The following SUZ12 variants were observed in gnomAD, a reference collection of about 807,000 sequenced individuals.
The protein encoded by SUZ12 is polycomb protein SUZ12.
A neutral mutation model predicts 87.3 loss-of-function variants in SUZ12; 17 were observed. That is an observed-to-expected ratio of 0.19 (90% CI 0.13 to 0.29). The LOEUF (loss-of-function observed/expected upper bound fraction) is 0.29. Ranked by LOEUF, SUZ12 falls within the 10% of genes least tolerant of loss-of-function variation. The pLI is 1.00. For synonymous variants in SUZ12, 253 were observed against 312.4 expected, an observed-to-expected ratio of 0.81 and a Z score of 2.01; for missense variants, 526 against 912.2, an observed-to-expected ratio of 0.58 and a Z score of 5.45.
chr17:31,993,358 A>C lies in SUZ12; in HGVS notation c.1293+25A>C, dbSNP rs1395705382. ...GGTAAACATAGCTGACCCTTCTTAA[A>C]GTAATTATGAAATGTATTTGTTTTT... On this transcript the variant is annotated intron_variant, in intron 11 of 15. Transcript: ENST00000322652. 5.0e-5 allele frequency: 69 copies of C among 1,392,330 alleles called. No homozygotes were observed. In the Admixed American group the frequency reaches 1.5e-3, roughly 31 times the overall value. 86.2% of individuals were successfully genotyped at this position (1,392,330 alleles called of 1,614,324 possible).
At chr17:31,995,200 A>T (rs1196284934) in intron 13 of SUZ12, among the ~76,000 whole-genome samples, 2 of 121,772 alleles carry the variant, frequency 1.6e-5, no homozygotes, top group African/African-American at 5.4e-5. Context: ...AACCAGTGTT[A>T]ACGGCTTTTC....
chr17:31,955,943 G>T (rs553196656), intron 4 of SUZ12, among the ~76,000 whole-genome samples: 2 of 151,258 alleles, frequency 1.3e-5, no homozygotes, highest in Non-Finnish European at 2.9e-5. Context: ...ATGGAGTCTC[G>T]CTCTGTCGCC....
At chr17:31,963,860 A>G (rs1273458424) in intron 4 of SUZ12, 1 of 152,112 alleles carries the variant, frequency 6.6e-6, no homozygotes, top group African/African-American at 2.4e-5. Context: ...GCTTTCTCCC[A>G]TCCAAGTACC....
intron 4 of SUZ12, among the ~76,000 whole-genome samples, chr17:31,955,835 G>T (rs1907292013): frequency 6.6e-6 from 1 of 152,036 alleles, no homozygotes; most frequent in Non-Finnish European, 1.5e-5. Flanking sequence ...TCCTGTCTCA[G>T]CCTCTCAAAG....
intron 4 of SUZ12, among the ~76,000 whole-genome samples, chr17:31,950,765 ATC>A (rs1365236875): frequency 6.6e-6 from 1 of 152,000 alleles, no homozygotes; most frequent in Non-Finnish European, 1.5e-5. Flanking sequence ...ACACAAAAGT[ATC>A]TCTCCTCCAT....
intron 10 of SUZ12, 92 bp from the exon 11 acceptor site, chr17:31,993,150 G>A (rs1286269946): frequency 1.3e-6 from 1 of 756,722 alleles, no homozygotes; most frequent in Non-Finnish European, 2.1e-6. Context: ...AGAATTCTGT[G>A]AAACCTTTAA....
intron 4 of SUZ12, among the ~76,000 whole-genome samples, chr17:31,965,171 C>G (rs1432459272): frequency 6.6e-6 from 1 of 151,928 alleles, no homozygotes; most frequent in African/African-American, 2.4e-5. Context: ...TATATATGCC[C>G]TTTACTAGTC....
At chr17:31,995,526 G>A (rs1909930934) in intron 13 of SUZ12, 38 bp from the exon 14 acceptor site, 1 of 1,564,326 alleles carries the variant, frequency 6.4e-7, no homozygotes, top group Non-Finnish European at 8.8e-7. Flanking sequence ...TGGTATACAT[G>A]TAGAGGCCAT....
At chr17:31,986,652 A>G (rs1229552703) in intron 9 of SUZ12, among the ~76,000 whole-genome samples, 1 of 152,018 alleles carries the variant, frequency 6.6e-6, no homozygotes, top group Non-Finnish European at 1.5e-5. Context: ...TTCGAGTTCA[A>G]GCGATTCTCC....
intron 8 of SUZ12, 35 bp from the exon 9 acceptor site, chr17:31,982,964 C>T (rs1598179826): frequency 1.3e-6 from 2 of 1,537,498 alleles, no homozygotes; most frequent in Non-Finnish European, 1.8e-6. Context: ...AGTAATAACA[C>T]AGGTTACTTT....
At chr17:31,961,595 A>G (rs1205486587) in intron 4 of SUZ12, among the ~76,000 whole-genome samples, 1 of 152,216 alleles carries the variant, frequency 6.6e-6, no homozygotes, top group Non-Finnish European at 1.5e-5. Flanking sequence ...TATGTAAGGT[A>G]TAATGTACCA....
intron 3 of SUZ12, 48 bp downstream of exon 3, chr17:31,940,534 T>G (rs1906209524): frequency 6.6e-7 from 1 of 1,509,708 alleles, no homozygotes; most frequent in Non-Finnish European, 8.8e-7. Context: ...ATGTTAGTTT[T>G]ATTTTAAAGT....
chr17:31,938,116 G>A (rs1906048356), intron 1 of SUZ12, among the ~76,000 whole-genome samples: 1 of 152,078 alleles, frequency 6.6e-6, no homozygotes, highest in South Asian at 2.1e-4. Flanking sequence ...AGACGACCCC[G>A]GAATTCTGCT....
intron 10 of SUZ12, among the ~76,000 whole-genome samples, chr17:31,991,932 C>G (rs1014672999): frequency 2.0e-5 from 3 of 151,530 alleles, no homozygotes; most frequent in Admixed American, 2.0e-4. Flanking sequence ...GTATAACTTA[C>G]TTTCTGATAA....
In SUZ12 at chr17:31,999,203, T is replaced by C. The variant is rs577897786; in HGVS notation, c.*200T>C. 12 of 403,788 alleles carry C rather than the reference T, an allele frequency of 3.0e-5. No individual in the cohort carries two copies. The highest frequency in any genetic ancestry group is 5.2e-5 in the Non-Finnish European group (12 of 228,584). The allele number at this position is 403,788 out of a possible 1,614,324, so 25.0% of individuals were successfully genotyped here. ...ATTACATGTATATCACTTTTATTGA[T>C]GTCATTAAAACATTCTGTACTTTAA... On this transcript the variant is annotated 3_prime_UTR_variant, in exon 16 of 16. Coordinates refer to ENST00000322652, the MANE Select transcript of SUZ12 (RefSeq NM_015355.4).
intron 9 of SUZ12, 142 bp from the exon 10 acceptor site, chr17:31,988,178 C>T (rs1007718306): frequency 1.4e-5 from 10 of 736,226 alleles, no homozygotes; most frequent in African/African-American, 5.5e-5. Flanking sequence ...TTTGCCTAGC[C>T]GTCTCAGTCA....
chr17:31,972,274 GTC>G (rs1232619312), intron 5 of SUZ12, among the ~76,000 whole-genome samples: 14 of 151,710 alleles, frequency 9.2e-5, no homozygotes, highest in Admixed American at 6.6e-4. Flanking sequence ...GACAGAACGA[GTC>G]TCTGTCTCGA....
intron 4 of SUZ12, chr17:31,964,079 T>G (rs1907933890): frequency 2.0e-5 from 3 of 152,326 alleles, no homozygotes; most frequent in Admixed American, 2.0e-4. Flanking sequence ...CAGGCTGGAG[T>G]GCAGTGGTGC....
At chr17:31,942,709 T>A (rs1285067036) in intron 3 of SUZ12, among the ~76,000 whole-genome samples, 1 of 152,204 alleles carries the variant, frequency 6.6e-6, no homozygotes, top group African/African-American at 2.4e-5. Context: ...AACAATGAAG[T>A]CTTAAATCAT....
Sources: allele counts gnomAD v4.1 joint callset (sites outside exome capture counted in the v4.1 genomes callset), GRCh38; gene constraint gnomAD v4.1.1; transcripts MANE v1.5; gene names NCBI Gene and HGNC (gene_info 2026-07-23, HGNC 2026-07-21).